The following TCF4 variants were observed in gnomAD, a reference collection of about 807,000 sequenced individuals.
TCF4 encodes the protein transcription factor 4, also known as SL3-3 enhancer factor 2.
In TCF4, 3 loss-of-function variants were observed where a neutral mutation model predicts 82.1. That is an observed-to-expected ratio of 0.04 (90% CI 0.02 to 0.09). TCF4 has a LOEUF of 0.09. Ranked by LOEUF, TCF4 falls within the 10% of genes least tolerant of loss-of-function variation. TCF4 has a pLI of 1.00. For missense variants in TCF4, 518 were observed against 852.7 expected (o/e 0.61, Z 4.89); for synonymous variants, 276 against 309.6 (o/e 0.89, Z 1.14).
chr18:55,298,181 C>T (rs963934810), intron 8 of TCF4, among the ~76,000 whole-genome samples: 1 of 152,162 alleles, frequency 6.6e-6, no homozygotes, highest in African/African-American at 2.4e-5. Context: ...AAATATAAAC[C>T]CACATTTCCC....
At chr18:55,381,383 A>G in intron 6 of TCF4, among the ~76,000 whole-genome samples, 1 of 152,240 alleles carries the variant, frequency 6.6e-6, no homozygotes, top group East Asian at 1.9e-4. Context: ...AGCCACTGTA[A>G]CATTAGCTGC....
At position 55,297,351 on chromosome 18, in the gene TCF4, T is replaced by C. The variant is rs1054232620; in HGVS notation, c.550-17695A>G. Among the ~76,000 whole-genome samples the C allele has an allele frequency of 9.2e-5, 14 of 152,246 alleles. No homozygotes were observed. The South Asian group carries it at 2.3e-3, about 25-fold the overall frequency. ...TGGCAGGCTTGTATCATACTGTATTTTCCTGCTCCTCATTGACACTGCCTT... is the reference window on the plus strand; with the variant it reads ...TGGCAGGCTTGTATCATACTGTATTCTCCTGCTCCTCATTGACACTGCCTT... On this transcript the variant is annotated intron_variant, in intron 8 of 19. Transcript: ENST00000354452.
chr18:55,243,373 G>A (rs1051128287), intron 15 of TCF4, among the ~76,000 whole-genome samples: 5 of 152,114 alleles, frequency 3.3e-5, no homozygotes, highest in Admixed American at 2.0e-4. Context: ...GGACACAAAT[G>A]GTACCTCACT....
intron 3 of TCF4, among the ~76,000 whole-genome samples, chr18:55,565,875 T>A (rs1028145103): frequency 5.3e-5 from 8 of 151,860 alleles, no homozygotes; most frequent in Non-Finnish European, 1.0e-4. Context: ...AAATATTACA[T>A]GTTCTCACTC....
intron 5 of TCF4, among the ~76,000 whole-genome samples, chr18:55,406,110 G>A (rs1226269994): frequency 6.7e-6 from 1 of 148,704 alleles, no homozygotes; most frequent in East Asian, 2.0e-4. Flanking sequence ...CAGCCAGCAG[G>A]AGGCTGGGAG....
intron 18 of TCF4, 131 bp from the exon 19 acceptor site, chr18:55,228,492 A>G: frequency 7.8e-7 from 1 of 1,287,716 alleles, no homozygotes; most frequent in Non-Finnish European, 1.1e-6. Context: ...ACAGTTACTA[A>G]GTACTGTGGC....
At chr18:55,632,580 CA>C (rs2097732652) in intron 1 of TCF4, among the ~76,000 whole-genome samples, 1 of 152,158 alleles carries the variant, frequency 6.6e-6, no homozygotes, top group South Asian at 2.1e-4. Flanking sequence ...CAAAGGCTAT[CA>C]GAAGGAAAGA....
At chr18:55,403,419 C>T (rs377704673) in intron 6 of TCF4, 35 bp downstream of exon 6, 392 of 1,609,976 alleles carry the variant, frequency 2.4e-4, no homozygotes, top group Non-Finnish European at 3.2e-4. Context: ...CAGGTTAATC[C>T]TCTCAACCCT....
intron 6 of TCF4, among the ~76,000 whole-genome samples, chr18:55,400,060 TCTC>T (rs1379265980): frequency 8.5e-5 from 13 of 152,186 alleles, no homozygotes; most frequent in Admixed American, 5.2e-4. Context: ...GATATCATCA[TCTC>T]ATTAAAAAAA....
chr18:55,294,458 C>T (rs895011201), intron 8 of TCF4, among the ~76,000 whole-genome samples: 1 of 152,098 alleles, frequency 6.6e-6, no homozygotes, highest in African/African-American at 2.4e-5. Flanking sequence ...AGAACCAGTC[C>T]TTTCCTTCAC....
intron 5 of TCF4, among the ~76,000 whole-genome samples, chr18:55,443,071 A>G (rs1363022588): frequency 6.6e-6 from 1 of 152,202 alleles, no homozygotes; most frequent in Non-Finnish European, 1.5e-5. Context: ...GCTTGTCACC[A>G]TTGTGACGTT....
At chr18:55,399,706 A>G (rs1268163520) in intron 6 of TCF4, among the ~76,000 whole-genome samples, 1 of 152,166 alleles carries the variant, frequency 6.6e-6, no homozygotes, top group Non-Finnish European at 1.5e-5. Flanking sequence ...GTATATTTCT[A>G]CAGAACATTC....
At chr18:55,631,444 T>C in intron 1 of TCF4, 1 of 1,519,798 alleles carries the variant, frequency 6.6e-7, no homozygotes, top group South Asian at 1.2e-5. Context: ...GTAGACAAGT[T>C]AGAAGATGGT....
At chr18:55,251,321 GA>G (rs3838898) in intron 15 of TCF4, among the ~76,000 whole-genome samples, 48,208 of 148,360 alleles carry the variant, frequency 0.32, 7,711 homozygotes, top group Middle Eastern at 0.4. Flanking sequence ...ATGCCGCTGT[GA>G]AAAAAAAAAA....
intron 8 of TCF4, among the ~76,000 whole-genome samples, chr18:55,300,401 G>T (rs73488997): frequency 2.1e-5 from 3 of 144,628 alleles, no homozygotes; most frequent in Non-Finnish European, 4.5e-5. Context: ...GCAGGGGCAG[G>T]GAATGCAAAG....
chr18:55,331,156 A>G (rs2077504323), intron 8 of TCF4, among the ~76,000 whole-genome samples: 1 of 152,058 alleles, frequency 6.6e-6, no homozygotes, highest in Non-Finnish European at 1.5e-5. Flanking sequence ...ACAGAAGCTC[A>G]GTGGAGTATC....
At chr18:55,332,592 T>C (rs2077794434) in intron 8 of TCF4, among the ~76,000 whole-genome samples, 1 of 152,248 alleles carries the variant, frequency 6.6e-6, no homozygotes, top group Non-Finnish European at 1.5e-5. Context: ...AAATGAACTC[T>C]GATTTGTACA....
rs75180011 is a variant in TCF4 at position 55,458,359 on chromosome 18, G to T, written c.304+2660C>A. ...AGTGTTGTCAAACACTTATGCTAAA[G>T]TCTACTACCTTCTTTTGGTAGAAGG... On this transcript the variant is annotated intron_variant, in intron 5 of 19. Coordinates refer to ENST00000354452, the MANE Select transcript of TCF4 (RefSeq NM_001083962.2). Among the ~76,000 whole-genome samples, 64 of 152,310 alleles carry T rather than the reference G, an allele frequency of 4.2e-4. 1 individual carries two copies. The East Asian group carries it at 0.011, about 27-fold the overall frequency.
intron 2 of TCF4, among the ~76,000 whole-genome samples, chr18:55,594,826 T>A (rs1308510388): frequency 6.6e-6 from 1 of 152,202 alleles, no homozygotes; most frequent in African/African-American, 2.4e-5. Flanking sequence ...ATGGCAGAGC[T>A]GAGATTTAAA....
Sources: allele counts gnomAD v4.1 joint callset (sites outside exome capture counted in the v4.1 genomes callset), GRCh38; gene constraint gnomAD v4.1.1; transcripts MANE v1.5; gene names NCBI Gene and HGNC (gene_info 2026-07-23, HGNC 2026-07-21).